Variants in ABCC6 observed in about 807,000 individuals in gnomAD.
ABCC6 encodes ATP binding cassette subfamily C member 6.
Under a neutral mutation model 169.5 loss-of-function variants are expected in ABCC6, and 126 were observed. The observed-to-expected ratio is 0.74, with a 90% CI of 0.64 to 0.86. The LOEUF (loss-of-function observed/expected upper bound fraction) is 0.86. Among genes scored for constraint, ABCC6 ranks in the 40% least tolerant of loss-of-function variants. The pLI is 0.00. For missense variants in ABCC6, 1,733 were observed against 1,927.2 expected (o/e 0.90, Z 1.89); for synonymous variants, 752 against 814.7 (o/e 0.92, Z 1.31).
intron 22 of ABCC6, among the ~76,000 whole-genome samples, chr16:16,167,946 C>G (rs2046928065): frequency 6.6e-6 from 1 of 152,118 alleles, no homozygotes; most frequent in Non-Finnish European, 1.5e-5. Flanking sequence ...GGGTTAATTC[C>G]AGGGCTCGGC....
chr16:16,178,188 G>A (rs551009841), intron 18 of ABCC6, among the ~76,000 whole-genome samples: 63 of 152,096 alleles, frequency 4.1e-4, no homozygotes, highest in African/African-American at 1.3e-3. Flanking sequence ...TTAGCTGGGC[G>A]TGGTGGCGGG....
chr16:16,211,355 A>G (rs536086307), intron 6 of ABCC6, among the ~76,000 whole-genome samples: 4 of 151,788 alleles, frequency 2.6e-5, no homozygotes, highest in Non-Finnish European at 5.9e-5. Context: ...GAGCCAAGAT[A>G]GTGCCATTGT....
intron 9 of ABCC6, among the ~76,000 whole-genome samples, chr16:16,198,435 C>T (rs2048127147): frequency 6.6e-6 from 1 of 152,180 alleles, no homozygotes; most frequent in Non-Finnish European, 1.5e-5. Context: ...ACACAGATAA[C>T]GGTGGTCATC....
At chr16:16,187,786 TCA>T (rs2047696664) in intron 13 of ABCC6, among the ~76,000 whole-genome samples, 1 of 152,068 alleles carries the variant, frequency 6.6e-6, no homozygotes, top group African/African-American at 2.4e-5. Context: ...TCCCAGCTAC[TCA>T]GGAGGCTGGG....
rs371702063 is a variant in ABCC6 at position 16,198,290 on chromosome 16, G to A, written c.1177-108C>T. On this transcript the variant is annotated intron_variant, in intron 9 of 30. Coordinates refer to ENST00000205557, the MANE Select transcript of ABCC6 (RefSeq NM_001171.6). ...CCCCACCTCACACGTCTGCGAGGTG[G>A]GTGAGTAAAGTCTCTTAGGCCAACC... 83 of 1,256,048 alleles carry A rather than the reference G, an allele frequency of 6.6e-5. No individual in the cohort carries two copies. The East Asian group carries it at 1.3e-3, about 19-fold the overall frequency. The allele number at this position is 1,256,048 out of a possible 1,614,324, so 77.8% of individuals were successfully genotyped here.
Position 16,154,966 on chromosome 16 carries a change from C to A in ABCC6, c.3948G>T (p.Gln1316His). Reference protein sequence around the residue: ...SSLASGLLRLQEAAEGGIWID... With the variant: ...SSLASGLLRLHEAAEGGIWID... ...TCCAGATCCCACCCTCAGCTGCCTC[C>A]TGGAGCCGCAGCAGCCCACTGGCCA... The change falls in exon 28 of 31, where the codon CAG becomes CAT. Residue 1316 changes from glutamine (Q) to histidine (H), a missense_variant. Physicochemically the swap from Gln to His is conservative, Grantham distance 24. Coordinates refer to ENST00000205557, the MANE Select transcript of ABCC6 (RefSeq NM_001171.6). The A allele has an allele frequency of 6.3e-7, 1 of 1,582,214 alleles. No homozygotes were observed. Among genetic ancestry groups the A allele is most frequent in the East Asian group, 2.3e-5 (1 of 42,882 alleles).
At chr16:16,165,455 C>T (rs1005008279) in intron 23 of ABCC6, among the ~76,000 whole-genome samples, 168 bp downstream of exon 23, 1 of 152,134 alleles carries the variant, frequency 6.6e-6, no homozygotes, top group Non-Finnish European at 1.5e-5. Context: ...GAGACAGACA[C>T]TAGTGGAGAT....
At chr16:16,151,906 TG>T (rs1283764285) in intron 29 of ABCC6, among the ~76,000 whole-genome samples, 3 of 151,846 alleles carry the variant, frequency 2.0e-5, no homozygotes, top group African/African-American at 7.3e-5. Flanking sequence ...TAAAAGTGTG[TG>T]GGTGGCGGGG....
Position 16,169,738 on chromosome 16 carries a change from A to T in ABCC6, c.2903T>A (p.Leu968Gln). The change falls in exon 22 of 31, where the codon CTG (leucine) becomes CAG (glutamine). Residue 968 changes from leucine to glutamine, a missense_variant. This residue lies in a region of ABCC6 where 1,601 missense variants were observed against 1,635.5 expected (regional missense o/e 0.98). Coordinates refer to ENST00000205557, the MANE Select transcript of ABCC6 (RefSeq NM_001171.6). ...TGCAGGGTCGTCCGCCCACAGGCTCAGCCAGTAGCCCCGGCAGAAGGAGGC... is the reference window on the plus strand; with the variant it reads ...TGCAGGGTCGTCCGCCCACAGGCTCTGCCAGTAGCCCCGGCAGAAGGAGGC... ...QVASFCRGYWLSLWADDPAVG... is the reference protein window; with the variant it reads ...QVASFCRGYWQSLWADDPAVG... 2 of 1,608,580 alleles carry T rather than the reference A, an allele frequency of 1.2e-6. No individual in the cohort carries two copies. Among genetic ancestry groups the T allele is most frequent in the Non-Finnish European group, 1.7e-6 (2 of 1,178,098 alleles).
chr16:16,182,669 C>T (rs1369152179), intron 16 of ABCC6, 81 bp from the exon 17 acceptor site: 2 of 1,590,842 alleles, frequency 1.3e-6, no homozygotes, highest in East Asian at 2.2e-5. Flanking sequence ...GGGAGCTGGG[C>T]TCTCAGTGGT....
At chr16:16,198,256 C>T (rs2048122342) in intron 9 of ABCC6, 74 bp from the exon 10 acceptor site, 1 of 1,481,864 alleles carries the variant, frequency 6.7e-7, no homozygotes, top group Non-Finnish European at 9.2e-7. Flanking sequence ...GGCTTCTCCA[C>T]CCACTGAGCC....
At chr16:16,161,748 C>G (rs1180271135) in intron 24 of ABCC6, among the ~76,000 whole-genome samples, 184 bp from the exon 25 acceptor site, 3 of 152,184 alleles carry the variant, frequency 2.0e-5, no homozygotes, top group African/African-American at 7.2e-5. Context: ...ACTAAGCCCA[C>G]TTTAGGGTCT....
rs190761354 is a variant in ABCC6, at chr16:16,188,836, C to A, written c.1774G>T (p.Val592Phe). The change falls in exon 13 of 31, where the codon GTC becomes TTC. Residue 592 changes from valine to phenylalanine, a missense_variant. Physicochemically the swap from Val to Phe is conservative, Grantham distance 50 (BLOSUM62 -1). Transcript: ENST00000205557. ...AFLPFSIHSL[V>F]QARVSFDRLV... ...AGCCCTTGCACCCACCTCACCTGGA[C>A]GAGGGAGTGGATGGAGAAGGGCAGG... 3 of 1,613,656 alleles carry A rather than the reference C, an allele frequency of 1.9e-6. No homozygotes were observed. Among genetic ancestry groups the A allele is most frequent in the East Asian group, 2.2e-5 (1 of 44,864 alleles).
intron 6 of ABCC6, among the ~76,000 whole-genome samples, chr16:16,211,085 A>T (rs557937461): frequency 6.8e-4 from 98 of 144,864 alleles, no homozygotes; most frequent in African/African-American, 2.2e-3. Context: ...ACAAGAGTGA[A>T]ACTCTGTCTC....
chr16:16,215,359 G>T (rs2105838), intron 4 of ABCC6, among the ~76,000 whole-genome samples: 2 of 151,960 alleles, frequency 1.3e-5, no homozygotes, highest in Admixed American at 6.5e-5. Context: ...TTTTGCATCT[G>T]CTGCCCTGTC....
intron 4 of ABCC6, among the ~76,000 whole-genome samples, chr16:16,215,453 GT>G (rs2048831405): frequency 6.6e-6 from 1 of 150,900 alleles, no homozygotes; most frequent in African/African-American, 2.4e-5. Flanking sequence ...GTGTGTGTGT[GT>G]GTGTGTGTGT....
intron 6 of ABCC6, among the ~76,000 whole-genome samples, chr16:16,209,557 A>G (rs142177969): frequency 6.6e-6 from 1 of 151,756 alleles, no homozygotes; most frequent in African/African-American, 2.4e-5. Flanking sequence ...GACCAAAACT[A>G]TCATTGTAGA....
At chr16:16,183,178 G>C (rs2047538059) in intron 15 of ABCC6, among the ~76,000 whole-genome samples, 1 of 152,184 alleles carries the variant, frequency 6.6e-6, no homozygotes, top group Non-Finnish European at 1.5e-5. Flanking sequence ...AAGCATGCTA[G>C]CATGCACAGC....
At chr16:16,159,648 C>G in intron 25 of ABCC6, 65 bp from the exon 26 acceptor site, 1 of 1,476,240 alleles carries the variant, frequency 6.8e-7, no homozygotes, top group Non-Finnish European at 9.4e-7. Flanking sequence ...AACAGCCCCC[C>G]TGGTTTCCCA....
Sources: allele counts gnomAD v4.1 joint callset (sites outside exome capture counted in the v4.1 genomes callset), GRCh38; gene constraint gnomAD v4.1.1; regional missense constraint gnomAD v4.1.1; transcripts MANE v1.5; gene names NCBI Gene and HGNC (gene_info 2026-07-23, HGNC 2026-07-21).